The following CISD2 variants were observed in gnomAD, a reference collection of about 807,000 sequenced individuals.
CISD2 encodes the protein CDGSH iron sulfur domain 2.
CISD2 carries 1 observed loss-of-function variant against 12.9 expected under a neutral mutation model. The observed-to-expected ratio is 0.08, with a 90% CI of 0.03 to 0.37. The LOEUF (loss-of-function observed/expected upper bound fraction) is 0.37, where lower values mean the gene tolerates loss of function less well. Among genes scored for constraint, CISD2 ranks in the 10% least tolerant of loss-of-function variants. CISD2 has a pLI of 0.99. For missense variants in CISD2, 97 were observed against 163.1 expected, an observed-to-expected ratio of 0.59 and a Z score of 2.21; for synonymous variants, 50 against 60.6, an observed-to-expected ratio of 0.83 and a Z score of 0.81.
rs1734116540 is a variant in CISD2 at position 102,889,422 on chromosome 4, C to G, written c.*1992C>G. The G allele has an allele frequency of 6.6e-6, 1 of 152,144 alleles. No homozygotes were observed. Among genetic ancestry groups the G allele is most frequent in the Non-Finnish European group, 1.5e-5 (1 of 68,028 alleles). The allele number at this position is 152,144 out of a possible 1,614,324, so 9.4% of individuals were successfully genotyped here. ...TGAAATGCTCTTCTTTTTGTAAAAT[C>G]TATCACTGCATCTCACAGCAACTTG... is the stretch of plus-strand genomic sequence containing the variant. On this transcript the variant is annotated 3_prime_UTR_variant, in exon 3 of 3. Coordinates refer to ENST00000273986, the MANE Select transcript of CISD2 (RefSeq NM_001008388.5).
At chr4:102,875,642 C>A (rs753919241) in intron 1 of CISD2, among the ~76,000 whole-genome samples, 1 of 152,118 alleles carries the variant, frequency 6.6e-6, no homozygotes, top group Non-Finnish European at 1.5e-5. Flanking sequence ...AGTACAAACT[C>A]AATTAGGCTA....
intron 1 of CISD2, among the ~76,000 whole-genome samples, chr4:102,873,791 A>T (rs1303547814): frequency 6.6e-6 from 1 of 150,972 alleles, no homozygotes; most frequent in African/African-American, 2.4e-5. Context: ...CTTGCTCAGT[A>T]TTGAGCTCAA....
intron 1 of CISD2, among the ~76,000 whole-genome samples, chr4:102,873,159 T>G (rs1282395578): frequency 2.0e-5 from 3 of 152,202 alleles, no homozygotes; most frequent in Admixed American, 2.0e-4. Flanking sequence ...GGTCTTTCCC[T>G]TGGCACGAGA....
intron 1 of CISD2, among the ~76,000 whole-genome samples, chr4:102,870,177 C>G (rs1429530513): frequency 6.6e-6 from 1 of 152,082 alleles, no homozygotes; most frequent in Non-Finnish European, 1.5e-5. Flanking sequence ...TAGTACCTGA[C>G]CTAAAATACA....
At chr4:102,879,487 C>T (rs1242872501) in intron 1 of CISD2, among the ~76,000 whole-genome samples, 4 of 152,088 alleles carry the variant, frequency 2.6e-5, no homozygotes, top group Non-Finnish European at 4.4e-5. Flanking sequence ...GAGCGCTTCA[C>T]AAACACAAAG....
rs928305198 is a variant in CISD2 at position 102,891,683 on chromosome 4, T to G, written c.*4253T>G. 1 of 152,246 alleles carries G rather than the reference T, an allele frequency of 6.6e-6. No homozygotes were observed. Among genetic ancestry groups the G allele is most frequent in the East Asian group, 1.9e-4 (1 of 5,202 alleles). 9.4% of individuals were successfully genotyped at this position (152,246 alleles called of 1,614,324 possible). A position where few individuals can be genotyped will look rare whatever the true frequency, so the allele number is the denominator to read the frequency against. Reference sequence around the variant, plus strand: ...TATCACAGGAAGTTTTCCCATTCAATTGAAACATTTTTCAAGCTTAATGAC... The same window carrying G: ...TATCACAGGAAGTTTTCCCATTCAAGTGAAACATTTTTCAAGCTTAATGAC... On this transcript the variant is annotated 3_prime_UTR_variant, in exon 3 of 3. Transcript: ENST00000273986.
intron 2 of CISD2, among the ~76,000 whole-genome samples, chr4:102,886,236 C>A (rs1357639428): frequency 1.3e-5 from 2 of 152,088 alleles, no homozygotes; most frequent in East Asian, 3.9e-4. Flanking sequence ...CGCCTGTAAT[C>A]CCAGCACTTT....
intron 1 of CISD2, chr4:102,869,543 A>G: frequency 1.4e-6 from 1 of 701,990 alleles, no homozygotes. Context: ...AAAGCGGGCT[A>G]AGTCGTCGTT....
chr4:102,883,525 G>GTTAT (rs1733778214), intron 1 of CISD2, among the ~76,000 whole-genome samples: 1 of 152,132 alleles, frequency 6.6e-6, no homozygotes, highest in South Asian at 2.1e-4. Context: ...GTAATAAACT[G>GTTAT]TTATTTCAAG....
At chr4:102,886,324 T>C (rs535502712) in intron 2 of CISD2, among the ~76,000 whole-genome samples, 2 of 151,840 alleles carry the variant, frequency 1.3e-5, no homozygotes, top group East Asian at 2.0e-4. Context: ...CCGTCTCTAC[T>C]AAAAAATACA....
intron 1 of CISD2, among the ~76,000 whole-genome samples, chr4:102,871,428 T>C (rs1168090603): frequency 6.6e-6 from 1 of 152,220 alleles, no homozygotes; most frequent in Non-Finnish European, 1.5e-5. Flanking sequence ...TTTAATAACA[T>C]ACATTTAACT....
chr4:102,879,631 G>T (rs1733669468), intron 1 of CISD2, among the ~76,000 whole-genome samples: 1 of 152,032 alleles, frequency 6.6e-6, no homozygotes. Flanking sequence ...AATTAGCAGG[G>T]CGTTTTGGCA....
chr4:102,875,190 A>G (rs370041499), intron 1 of CISD2, among the ~76,000 whole-genome samples: 11 of 152,356 alleles, frequency 7.2e-5, no homozygotes, highest in Middle Eastern at 3.4e-3. Flanking sequence ...CTTCCTCTGC[A>G]TGGAATGAAG....
intron 1 of CISD2, 145 bp downstream of exon 1, chr4:102,869,332 C>T (rs1733356521): frequency 9.1e-7 from 1 of 1,098,398 alleles, no homozygotes; most frequent in Non-Finnish European, 1.3e-6. Context: ...GGGCGCGCGC[C>T]GACGCAGCTG....
At chr4:102,869,500 C>T in intron 1 of CISD2, 1 of 702,592 alleles carries the variant, frequency 1.4e-6, no homozygotes, top group South Asian at 1.5e-5. Context: ...TCCTGTCCTG[C>T]TCATCGCTCT....
chr4:102,868,993 G>C lies in CISD2; in HGVS notation c.-92G>C. The C allele has an allele frequency of 7.0e-7, 1 of 1,424,040 alleles. No homozygotes were observed. The highest frequency in any genetic ancestry group is 9.2e-7 in the Non-Finnish European group (1 of 1,087,050). The allele number at this position is 1,424,040 out of a possible 1,614,324, so 88.2% of individuals were successfully genotyped here. A position where few individuals can be genotyped will look rare whatever the true frequency, so the allele number is the denominator to read the frequency against. The stretch of plus-strand genomic sequence containing the variant: ...CCCGCCGCCCAGGCCGAGGCCGCCA[G>C]TGCCCGCCGGCCGCTTCCGCTCCCG... On this transcript the variant is annotated 5_prime_UTR_variant, in exon 1 of 3. Coordinates refer to ENST00000273986, the MANE Select transcript of CISD2 (RefSeq NM_001008388.5).
At chr4:102,883,050 A>G (rs1425439560) in intron 1 of CISD2, among the ~76,000 whole-genome samples, 2 of 152,158 alleles carry the variant, frequency 1.3e-5, no homozygotes, top group South Asian at 4.1e-4. Context: ...CCACATGTGT[A>G]TATTAACCGT....
At chr4:102,877,201 CAG>C (rs1340040463) in intron 1 of CISD2, among the ~76,000 whole-genome samples, 1 of 152,216 alleles carries the variant, frequency 6.6e-6, no homozygotes, top group Non-Finnish European at 1.5e-5. Context: ...GTCCACAGTA[CAG>C]AGTCTCATCT....
At position 102,891,721 on chromosome 4, in the gene CISD2, C is replaced by T. The variant is rs1237489871; in HGVS notation, c.*4291C>T. ...CAAGCTTAATGACTATAATTTACTA[C>T]ATAATTATTTATTTTGTTAAAGTTT... is the stretch of plus-strand genomic sequence containing the variant. On this transcript the variant is annotated 3_prime_UTR_variant, in exon 3 of 3. Coordinates refer to ENST00000273986, the MANE Select transcript of CISD2 (RefSeq NM_001008388.5). 2.0e-5 allele frequency: 3 copies of T among 152,254 alleles called. No homozygotes were observed. The highest frequency in any genetic ancestry group is 2.1e-4 in the South Asian group (1 of 4,826). The allele number at this position is 152,254 out of a possible 1,614,324, so 9.4% of individuals were successfully genotyped here.
Sources: gnomAD v4.1 joint callset for allele counts (sites outside exome capture counted in the v4.1 genomes callset) on GRCh38, gnomAD v4.1.1 for gene constraint, MANE v1.5 for transcripts, NCBI Gene and HGNC (gene_info 2026-07-23, HGNC 2026-07-21) for gene names.